TSPAN9: variants seen among roughly 807,000 people sequenced by gnomAD.
TSPAN9 encodes the protein tetraspanin-9.
A neutral mutation model predicts 31.0 loss-of-function variants in TSPAN9; 16 were observed. That is an observed-to-expected ratio of 0.52 (90% CI 0.35 to 0.78). The LOEUF is 0.78. Among genes scored for constraint, TSPAN9 ranks in the 30% least tolerant of loss-of-function variants. The pLI, the probability that TSPAN9 is intolerant of heterozygous loss-of-function variation, is 0.01. For synonymous variants in TSPAN9, 145 were observed against 121.6 expected (o/e 1.19, Z -1.27); for missense variants, 272 against 312.5 (o/e 0.87, Z 0.98).
intron 3 of TSPAN9, among the ~76,000 whole-genome samples, chr12:3,201,649 A>C (rs1023563347): frequency 3.3e-5 from 5 of 152,182 alleles, no homozygotes; most frequent in African/African-American, 1.2e-4. Flanking sequence ...ACAAGTGAGG[A>C]TGTATTTCTG....
Position 3,142,038 on chromosome 12 carries a change from C to T in TSPAN9, c.-18+58319C>T, listed in dbSNP as rs60259159. Among the ~76,000 whole-genome samples the T allele has an allele frequency of 3.6e-3, 552 of 152,310 alleles. 19 individuals carry two copies. The East Asian group carries it at 0.088, about 24-fold the overall frequency. On this transcript the variant is annotated intron_variant, in intron 2 of 8. Coordinates refer to ENST00000011898, the MANE Select transcript of TSPAN9 (RefSeq NM_006675.5). The stretch of plus-strand genomic sequence containing the variant: ...GTCAGGCATTGCGCTAAGTGTCTTA[C>T]CATGGCCAGGTGCTCACAGGAATCC...
intron 2 of TSPAN9, among the ~76,000 whole-genome samples, chr12:3,191,254 A>T (rs1312489209): frequency 1.3e-5 from 2 of 149,552 alleles, no homozygotes; most frequent in Non-Finnish European, 3.0e-5. Flanking sequence ...TTAAACTGGC[A>T]TCCAGGGTCA....
At chr12:3,119,571 T>C (rs1482573075) in intron 2 of TSPAN9, among the ~76,000 whole-genome samples, 1 of 152,116 alleles carries the variant, frequency 6.6e-6, no homozygotes, top group Non-Finnish European at 1.5e-5. Flanking sequence ...CTCCCCATCC[T>C]CTCAGCCCGT....
intron 3 of TSPAN9, among the ~76,000 whole-genome samples, chr12:3,205,363 G>A (rs774180980): frequency 5.9e-5 from 9 of 152,212 alleles, no homozygotes; most frequent in Non-Finnish European, 8.8e-5. Context: ...CCCGGGCAGA[G>A]TGCTGATGGG....
chr12:3,209,265 T>A (rs2098377071), intron 3 of TSPAN9, among the ~76,000 whole-genome samples: 1 of 151,908 alleles, frequency 6.6e-6, no homozygotes, highest in Admixed American at 6.6e-5. Context: ...AACTAAAAAT[T>A]CAGCGTTGTG....
chr12:3,130,266 G>A (rs550691409), intron 2 of TSPAN9, among the ~76,000 whole-genome samples: 38 of 152,352 alleles, frequency 2.5e-4, no homozygotes, highest in African/African-American at 7.5e-4. Flanking sequence ...CTGCGGTTTC[G>A]CCCTAAAGCT....
chr12:3,217,289 A>C (rs2098381869), intron 3 of TSPAN9, among the ~76,000 whole-genome samples: 1 of 152,130 alleles, frequency 6.6e-6, no homozygotes, highest in Non-Finnish European at 1.5e-5. Context: ...ATGTCCCCTG[A>C]GTTGGCTGGG....
At chr12:3,089,299 A>ATTTT (rs71057897) in intron 2 of TSPAN9, among the ~76,000 whole-genome samples, 3 of 128,878 alleles carry the variant, frequency 2.3e-5, no homozygotes, top group Non-Finnish European at 4.7e-5. Flanking sequence ...TTCAAGGTGA[A>ATTTT]TTTTTTTTTT....
At chr12:3,167,978 C>T (rs1398175516) in intron 2 of TSPAN9, among the ~76,000 whole-genome samples, 7 of 152,282 alleles carry the variant, frequency 4.6e-5, no homozygotes, top group African/African-American at 1.7e-4. Context: ...AGGTCATGGG[C>T]CTGTCCTCCT....
chr12:3,263,528 G>T (rs960505992), intron 3 of TSPAN9, among the ~76,000 whole-genome samples: 26 of 152,350 alleles, frequency 1.7e-4, no homozygotes, highest in African/African-American at 6.3e-4. Flanking sequence ...CAACGCACCG[G>T]CCTGGGGAGG....
intron 2 of TSPAN9, among the ~76,000 whole-genome samples, chr12:3,175,239 G>A (rs933680598): frequency 2.0e-5 from 3 of 152,204 alleles, no homozygotes; most frequent in African/African-American, 7.2e-5. Context: ...AACTGGGAGG[G>A]AGAAGTGGCA....
At chr12:3,105,772 GCACACA>G (rs77943745) in intron 2 of TSPAN9, among the ~76,000 whole-genome samples, 30,479 of 71,888 alleles carry the variant, frequency 0.42, 3,869 homozygotes, top group South Asian at 0.6. Context: ...ACACGCGCAC[GCACACA>G]CGCTCATACA....
chr12:3,136,848 G>GA (rs2098332400), intron 2 of TSPAN9, among the ~76,000 whole-genome samples: 1 of 152,200 alleles, frequency 6.6e-6, no homozygotes, highest in African/African-American at 2.4e-5. Flanking sequence ...AGGGGTGGGG[G>GA]GCACATTGGC....
chr12:3,269,024 G>C (rs1353772084), intron 3 of TSPAN9, among the ~76,000 whole-genome samples: 1 of 86,906 alleles, frequency 1.2e-5, no homozygotes, highest in Non-Finnish European at 2.3e-5. Flanking sequence ...CTGTGTTCCT[G>C]CAGCCTGCCC....
At chr12:3,258,245 A>G (rs1440373644) in intron 3 of TSPAN9, among the ~76,000 whole-genome samples, 1 of 152,158 alleles carries the variant, frequency 6.6e-6, no homozygotes, top group African/African-American at 2.4e-5. Context: ...CTGCAGGTGC[A>G]GCTTGCTCAG....
At chr12:3,092,596 A>G (rs575432505) in intron 2 of TSPAN9, among the ~76,000 whole-genome samples, 26 of 152,278 alleles carry the variant, frequency 1.7e-4, no homozygotes, top group African/African-American at 6.0e-4. Context: ...CCCTGAGAGG[A>G]GATGCCTGCC....
At position 3,126,628 on chromosome 12, in the gene TSPAN9, G is replaced by A. The variant is rs146092109; in HGVS notation, c.-18+42909G>A. ...GTAATTTATAAGGACAGAGATTTGG[G>A]CCAGGCCTGGGGGCTCACACCTGTA... is the stretch of plus-strand genomic sequence containing the variant. On this transcript the variant is annotated intron_variant, in intron 2 of 8. Coordinates refer to ENST00000011898, the MANE Select transcript of TSPAN9 (RefSeq NM_006675.5). Among the ~76,000 whole-genome samples, 16 of 152,296 alleles carry A rather than the reference G, an allele frequency of 1.1e-4. No individual in the cohort carries two copies. In the East Asian group the frequency reaches 2.5e-3, roughly 24 times the overall value.
intron 2 of TSPAN9, among the ~76,000 whole-genome samples, chr12:3,131,706 G>A (rs2153967011): frequency 6.6e-6 from 1 of 152,254 alleles, no homozygotes; most frequent in African/African-American, 2.4e-5. Flanking sequence ...GCCCTCAGGT[G>A]TTTGTTACCA....
At chr12:3,178,291 C>CTTT in intron 2 of TSPAN9, among the ~76,000 whole-genome samples, 1 of 144,102 alleles carries the variant, frequency 6.9e-6, no homozygotes, top group East Asian at 2.0e-4. Context: ...GTTTCTTTTT[C>CTTT]TTTTTTTTTT....
Sources: gnomAD v4.1 joint callset for allele counts (sites outside exome capture counted in the v4.1 genomes callset) on GRCh38, gnomAD v4.1.1 for gene constraint, MANE v1.5 for transcripts, NCBI Gene and HGNC (gene_info 2026-07-23, HGNC 2026-07-21) for gene names.